UST: variants seen among roughly 807,000 people sequenced by gnomAD.
UST encodes uronyl 2-sulfotransferase.
UST carries 21 observed loss-of-function variants against 45.6 expected under a neutral mutation model. The observed-to-expected ratio is 0.46, with a 90% confidence interval of 0.33 to 0.66. The LOEUF is 0.66. UST is among the 30% of genes least tolerant of loss of function. The probability of loss-of-function intolerance (pLI) is 0.02; values close to 1 mark genes in which losing one functional copy is unlikely to be tolerated. For missense variants in UST, 463 were observed against 512.4 expected (o/e 0.90, Z 0.93); for synonymous variants, 215 against 200.6 (o/e 1.07, Z -0.61).
intron 7 of UST, among the ~76,000 whole-genome samples, chr6:149,029,281 A>G (rs1345646665): frequency 6.7e-6 from 1 of 149,746 alleles, no homozygotes; most frequent in Non-Finnish European, 1.5e-5. Context: ...TTAAAAGTAT[A>G]TACATGTATA....
intron 5 of UST, among the ~76,000 whole-genome samples, chr6:149,007,299 T>C: frequency 6.7e-6 from 1 of 148,490 alleles, no homozygotes; most frequent in Non-Finnish European, 1.5e-5. Context: ...TTTTTTTTTT[T>C]TTTTTTGAGA....
At chr6:148,895,670 T>C (rs1779113780) in intron 2 of UST, among the ~76,000 whole-genome samples, 1 of 152,224 alleles carries the variant, frequency 6.6e-6, no homozygotes, top group Non-Finnish European at 1.5e-5. Flanking sequence ...TCACAAGATC[T>C]GATGGTTTTA....
Position 149,045,255 on chromosome 6 carries a change from G to A in UST, c.937+23774G>A, listed in dbSNP as rs193236756. On this transcript the variant is annotated intron_variant, in intron 7 of 7. Coordinates refer to ENST00000367463, the MANE Select transcript of UST (RefSeq NM_005715.3). ...AATTTGTCATTTTTTGTGAAACTGG[G>A]TTTTTATTTTGAGAGTTGCTCCTGT... 3.5e-3 allele frequency among the ~76,000 whole-genome samples: 534 copies of A among 152,242 alleles called. 3 individuals are homozygous for A. Among genetic ancestry groups the A allele is most frequent in the African/African-American group, 0.012 (508 of 41,560 alleles).
chr6:148,824,566 T>C (rs1477331860), intron 1 of UST, among the ~76,000 whole-genome samples: 1 of 152,146 alleles, frequency 6.6e-6, no homozygotes, highest in Non-Finnish European at 1.5e-5. Context: ...CACTGATACA[T>C]TGAAGAGGTG....
chr6:148,958,098 A>G (rs565604767), intron 4 of UST, among the ~76,000 whole-genome samples: 30 of 152,220 alleles, frequency 2.0e-4, no homozygotes, highest in African/African-American at 7.2e-4. Context: ...TAAAGATGGC[A>G]TTTTTACCTT....
chr6:148,887,993 G>C (rs1191908190), intron 2 of UST, among the ~76,000 whole-genome samples: 2 of 152,150 alleles, frequency 1.3e-5, no homozygotes, highest in Non-Finnish European at 2.9e-5. Flanking sequence ...TAGAGGCTTT[G>C]GGGAAATTTA....
At chr6:148,978,474 G>A (rs989101343) in intron 5 of UST, among the ~76,000 whole-genome samples, 16 of 152,016 alleles carry the variant, frequency 1.1e-4, no homozygotes, top group Admixed American at 1.3e-4. Flanking sequence ...CATATATACC[G>A]TGGAATACTA....
intron 1 of UST, among the ~76,000 whole-genome samples, chr6:148,827,435 A>G (rs1010394955): frequency 1.3e-5 from 2 of 152,108 alleles, no homozygotes; most frequent in Non-Finnish European, 2.9e-5. Flanking sequence ...GCTGGACATC[A>G]TAGTGAAACC....
chr6:149,025,245 A>G (rs1776034559), intron 7 of UST, among the ~76,000 whole-genome samples: 3 of 152,240 alleles, frequency 2.0e-5, no homozygotes, highest in Non-Finnish European at 4.4e-5. Context: ...CCTTTCTTGT[A>G]GAAATATATG....
chr6:148,904,361 A>G (rs1434721259), intron 2 of UST, among the ~76,000 whole-genome samples: 1 of 152,160 alleles, frequency 6.6e-6, no homozygotes, highest in Non-Finnish European at 1.5e-5. Context: ...TAGATTAGGA[A>G]AAGTGCAATG....
chr6:148,810,561 C>A (rs1003502814), intron 1 of UST, among the ~76,000 whole-genome samples: 1 of 152,182 alleles, frequency 6.6e-6, no homozygotes, highest in Non-Finnish European at 1.5e-5. Flanking sequence ...TAAAATCCAT[C>A]CTGCTATTTG....
chr6:148,977,868 A>G (rs979144170), intron 5 of UST, among the ~76,000 whole-genome samples: 1 of 152,050 alleles, frequency 6.6e-6, no homozygotes, highest in Non-Finnish European at 1.5e-5. Flanking sequence ...CTTTAGATTA[A>G]GGTAGGGAGG....
chr6:148,774,872 G>T (rs1776501023), intron 1 of UST, among the ~76,000 whole-genome samples: 1 of 152,104 alleles, frequency 6.6e-6, no homozygotes, highest in Admixed American at 6.6e-5. Flanking sequence ...TACAAAATTA[G>T]CCAGGCATGG....
At chr6:148,796,623 CAAAAAAAAAA>C (rs11465084) in intron 1 of UST, among the ~76,000 whole-genome samples, 1 of 88,956 alleles carries the variant, frequency 1.1e-5, no homozygotes, top group African/African-American at 4.6e-5. Flanking sequence ...GACTCTGTCT[CAAAAAAAAAA>C]AAAAAAAAAA....
At chr6:148,929,963 T>C (rs1779890864) in intron 2 of UST, among the ~76,000 whole-genome samples, 1 of 152,042 alleles carries the variant, frequency 6.6e-6, no homozygotes, top group African/African-American at 2.4e-5. Flanking sequence ...AAATCAAACA[T>C]GGGAGGGAGG....
chr6:149,067,752 A>G (rs1776762310), intron 7 of UST, among the ~76,000 whole-genome samples: 1 of 152,216 alleles, frequency 6.6e-6, no homozygotes, highest in Non-Finnish European at 1.5e-5. Flanking sequence ...GAGTGAAATC[A>G]TAAGAGCCAG....
At chr6:148,840,155 C>G (rs748949433) in intron 1 of UST, among the ~76,000 whole-genome samples, 1 of 152,044 alleles carries the variant, frequency 6.6e-6, no homozygotes, top group Non-Finnish European at 1.5e-5. Flanking sequence ...CAGAAGGAAC[C>G]CAAAGGAAGG....
intron 2 of UST, among the ~76,000 whole-genome samples, chr6:148,915,875 T>A (rs1044778133): frequency 3.3e-5 from 5 of 151,928 alleles, no homozygotes; most frequent in African/African-American, 1.2e-4. Flanking sequence ...ATTTGAAGGG[T>A]GGTGTGGGGG....
At chr6:148,831,081 A>G (rs1379802728) in intron 1 of UST, among the ~76,000 whole-genome samples, 1 of 151,348 alleles carries the variant, frequency 6.6e-6, no homozygotes, top group African/African-American at 2.4e-5. Context: ...GGGGGTGGGA[A>G]GAATCAATCT....
Sources: allele counts gnomAD v4.1 joint callset (sites outside exome capture counted in the v4.1 genomes callset), GRCh38; gene constraint gnomAD v4.1.1; transcripts MANE v1.5; gene names NCBI Gene and HGNC (gene_info 2026-07-23, HGNC 2026-07-21).